Variants in ZNF503 observed in about 807,000 individuals in gnomAD.
The protein encoded by ZNF503 is zinc finger protein 503, also known as NocA-like zinc finger 2.
A neutral mutation model predicts 34.4 loss-of-function variants in ZNF503; 15 were observed. The ratio of observed to expected loss-of-function variants is 0.44; its 90% confidence interval spans 0.29 to 0.67. ZNF503 has a LOEUF of 0.67. ZNF503 is among the 30% of genes least tolerant of loss of function. The pLI is 0.13. For synonymous variants in ZNF503, 580 were observed against 456.8 expected (o/e 1.27, Z -3.44); for missense variants, 1,007 against 926.8 (o/e 1.09, Z -1.12).
the ZNF503 span, among the ~76,000 whole-genome samples, chr10:75,311,995 T>A: frequency 6.6e-6 from 1 of 151,854 alleles, no homozygotes. Context: ...TCCGCCTGCC[T>A]CAGCCTCCCA....
chr10:75,387,981 G>C, the ZNF503 span, among the ~76,000 whole-genome samples: 2 of 152,162 alleles, frequency 1.3e-5, no homozygotes, highest in Non-Finnish European at 2.9e-5. Flanking sequence ...GTGGGAGGAG[G>C]GGTCCAGGAC....
At chr10:75,299,628 G>A in the ZNF503 span, among the ~76,000 whole-genome samples, 8 of 152,204 alleles carry the variant, frequency 5.3e-5, no homozygotes, top group East Asian at 7.7e-4. Context: ...AATATTTCAC[G>A]TAGGTTCTTT....
At chr10:75,329,419 C>CTTCCTTCCTTCCTTCCTTCCT in the ZNF503 span, among the ~76,000 whole-genome samples, 11 of 71,100 alleles carry the variant, frequency 1.5e-4, no homozygotes, top group African/African-American at 4.8e-4. Flanking sequence ...CCTTCCTTTC[C>CTTCCTTCCTTCCTTCCTTCCT]TTCCTTCCTT....
At chr10:75,330,402 C>G in the ZNF503 span, among the ~76,000 whole-genome samples, 1 of 152,248 alleles carries the variant, frequency 6.6e-6, no homozygotes, top group South Asian at 2.1e-4. Context: ...CTTCCATTTT[C>G]TGGAAGAGGT....
the ZNF503 span, among the ~76,000 whole-genome samples, chr10:75,378,344 A>T: frequency 9.9e-5 from 15 of 152,114 alleles, 1 homozygote; most frequent in African/African-American, 3.6e-4. Flanking sequence ...CATCAGAAGG[A>T]TGGCTGGGCG....
chr10:75,300,799 G>A, the ZNF503 span, among the ~76,000 whole-genome samples: 24 of 141,478 alleles, frequency 1.7e-4, 1 homozygote, highest in East Asian at 1.2e-3. Flanking sequence ...TCTGCCTTCC[G>A]GGTTCAAGTG....
the ZNF503 span, among the ~76,000 whole-genome samples, chr10:75,388,922 A>C: frequency 2.0e-5 from 3 of 152,214 alleles, no homozygotes. Flanking sequence ...GAACTACATG[A>C]AATTAAGTTT....
chr10:75,380,771 GA>G, the ZNF503 span, among the ~76,000 whole-genome samples: 15 of 152,238 alleles, frequency 9.9e-5, no homozygotes, highest in African/African-American at 3.4e-4. Flanking sequence ...AGACAAAGGG[GA>G]AAAAATGTGG....
At chr10:75,348,352 G>A in the ZNF503 span, among the ~76,000 whole-genome samples, 2 of 151,674 alleles carry the variant, frequency 1.3e-5, no homozygotes, top group Non-Finnish European at 2.9e-5. Context: ...ATGGGCCACC[G>A]TGCCTGGCCT....
rs376830355 is a variant in ZNF503 at position 75,401,055 on chromosome 10, G to A, written c.315+50C>T. ...ATCCCGAGAAAAAGAAAGCCCTAGG[G>A]TGGCAGCCAGGGTAGTGGTCCCAGT... On this transcript the variant is annotated intron_variant, in intron 1 of 1. Transcript: ENST00000372524. 53 of 1,611,858 alleles carry A rather than the reference G, an allele frequency of 3.3e-5. No homozygotes were observed. In the African/African-American group the frequency reaches 6.3e-4, roughly 19 times the overall value.
At chr10:75,308,745 A>C in the ZNF503 span, among the ~76,000 whole-genome samples, 1 of 152,244 alleles carries the variant, frequency 6.6e-6, no homozygotes, top group Non-Finnish European at 1.5e-5. Flanking sequence ...TAGAAATAGC[A>C]AGAGAACTAG....
the ZNF503 span, among the ~76,000 whole-genome samples, chr10:75,338,975 C>G: frequency 6.6e-6 from 1 of 152,160 alleles, no homozygotes; most frequent in African/African-American, 2.4e-5. Flanking sequence ...TGCCTGTAAT[C>G]CTAGCACTTT....
At chr10:75,400,950 C>T in intron 1 of ZNF503, 155 bp downstream of exon 1, 3 of 1,127,062 alleles carry the variant, frequency 2.7e-6, no homozygotes, top group Admixed American at 2.4e-5. Flanking sequence ...CCTTTTCCGC[C>T]CTAGTTTTGA....
the ZNF503 span, among the ~76,000 whole-genome samples, chr10:75,385,843 C>T: frequency 6.6e-6 from 1 of 152,206 alleles, no homozygotes; most frequent in Non-Finnish European, 1.5e-5. Context: ...AGCCTCCACC[C>T]TTACTCTAGC....
At chr10:75,300,761 G>A in the ZNF503 span, among the ~76,000 whole-genome samples, 7 of 139,518 alleles carry the variant, frequency 5.0e-5, no homozygotes, top group Non-Finnish European at 9.1e-5. Context: ...GCTGGAGTGC[G>A]ATGGTGCGGT....
upstream of ZNF503, chr10:75,401,860 T>C (rs1002057771): frequency 5.3e-6 from 1 of 187,654 alleles, no homozygotes; most frequent in Non-Finnish European, 1.1e-5. Context: ...GATTGGAGGG[T>C]CAAGGGGATG....
downstream of ZNF503, among the ~76,000 whole-genome samples, chr10:75,395,736 A>T (rs1843689353): frequency 6.6e-6 from 1 of 151,768 alleles, no homozygotes; most frequent in African/African-American, 2.4e-5. This position sits in a 1 kb window ranked among gnomAD's most constrained non-coding sequence, Gnocchi z 4.4. Flanking sequence ...TTCTGTCCTC[A>T]CCCCCGGGCG....
At chr10:75,329,630 C>T in the ZNF503 span, among the ~76,000 whole-genome samples, 1 of 151,368 alleles carries the variant, frequency 6.6e-6, no homozygotes, top group African/African-American at 2.4e-5. Context: ...CACACCCAGC[C>T]AATTTAAACC....
the ZNF503 span, among the ~76,000 whole-genome samples, chr10:75,385,136 G>A: frequency 2.0e-5 from 3 of 152,152 alleles, no homozygotes; most frequent in Non-Finnish European, 4.4e-5. Flanking sequence ...CCATCTTAGG[G>A]ACCCGGAGGC....
Sources: gnomAD v4.1 joint callset for allele counts (sites outside exome capture counted in the v4.1 genomes callset) on GRCh38, gnomAD v4.1.1 for gene constraint, Gnocchi (gnomAD v3.1) non-coding constraint, MANE v1.5 for transcripts, NCBI Gene and HGNC (gene_info 2026-07-23, HGNC 2026-07-21) for gene names.